Variants in C12orf42 observed in about 807,000 individuals in gnomAD.
C12orf42 encodes the protein uncharacterized protein C12orf42.
In C12orf42, 25 loss-of-function variants were observed where a neutral mutation model predicts 21.6. The ratio of observed to expected loss-of-function variants is 1.16; its 90% CI spans 0.84 to 1.62. The LOEUF (loss-of-function observed/expected upper bound fraction) is 1.62. Ranked by LOEUF, C12orf42 falls within the 40% of genes most tolerant of loss-of-function variation. C12orf42 has a pLI of 0.00. For missense variants in C12orf42, 483 were observed against 459.3 expected, an observed-to-expected ratio of 1.05 and a Z score of -0.47; for synonymous variants, 174 against 175.0, an observed-to-expected ratio of 0.99 and a Z score of 0.05.
chr12:103,518,529 T>C, the C12orf42 span, among the ~76,000 whole-genome samples: 6 of 152,166 alleles, frequency 3.9e-5, no homozygotes, highest in Middle Eastern at 3.2e-3. Context: ...GAATCAAGTC[T>C]TATATGGGTG....
chr12:103,102,306 G>T, the C12orf42 span, among the ~76,000 whole-genome samples: 2 of 152,262 alleles, frequency 1.3e-5, no homozygotes, highest in South Asian at 4.1e-4. Context: ...GCCATTCTGG[G>T]ACATTCCATG....
At chr12:103,259,027 T>C (rs1263455812) in intron 10 of C12orf42, among the ~76,000 whole-genome samples, 1 of 152,118 alleles carries the variant, frequency 6.6e-6, no homozygotes, top group Non-Finnish European at 1.5e-5. Flanking sequence ...CTACAAGACA[T>C]AGAAAGTTGT....
At chr12:103,474,829 T>C (rs1953919916) in intron 2 of C12orf42, among the ~76,000 whole-genome samples, 1 of 152,192 alleles carries the variant, frequency 6.6e-6, no homozygotes, top group South Asian at 2.1e-4. Context: ...TCTGCCTTCA[T>C]GAACTGTGGG....
the C12orf42 span, among the ~76,000 whole-genome samples, chr12:103,505,251 C>T: frequency 1.3e-4 from 20 of 152,158 alleles, no homozygotes; most frequent in African/African-American, 4.8e-4. Context: ...TGGAGACCCC[C>T]TTGGTCTCTG....
the C12orf42 span, among the ~76,000 whole-genome samples, chr12:103,160,989 T>C: frequency 2.0e-5 from 3 of 152,244 alleles, no homozygotes; most frequent in Non-Finnish European, 4.4e-5. Context: ...TTTTGAAGAC[T>C]GATTTAGACA....
chr12:103,547,636 G>A, the C12orf42 span, among the ~76,000 whole-genome samples: 1 of 152,224 alleles, frequency 6.6e-6, no homozygotes, highest in South Asian at 2.1e-4. Context: ...TGCTTCAGGG[G>A]CTGAAAGAAC....
At chr12:103,256,611 C>G (rs766548157) in intron 10 of C12orf42, among the ~76,000 whole-genome samples, 12 of 152,032 alleles carry the variant, frequency 7.9e-5, no homozygotes, top group Non-Finnish European at 1.6e-4. Flanking sequence ...TCTCCTAATA[C>G]CAAGTGAGTT....
chr12:103,197,253 T>C, the C12orf42 span, among the ~76,000 whole-genome samples: 1 of 152,202 alleles, frequency 6.6e-6, no homozygotes, highest in Non-Finnish European at 1.5e-5. Flanking sequence ...TCTAATCTGT[T>C]CTGGCTTGTA....
chr12:103,270,738 C>G lies in C12orf42; in HGVS notation n.399-885G>C, dbSNP rs573140937. On this transcript the variant is annotated intron_variant and non_coding_transcript_variant, in intron 5 of 6. Transcript: ENST00000546526. ...TGCTATCCCTCCCCCCTCCCCCTAC[C>G]CCACAACAGTCCCCAGAGTGTGATG... 4.6e-3 allele frequency among the ~76,000 whole-genome samples: 672 copies of G among 146,958 alleles called. 3 individuals are homozygous for G. Among genetic ancestry groups the G allele is most frequent in the Non-Finnish European group, 8.1e-3 (542 of 66,918 alleles).
At chr12:103,507,729 C>T in the C12orf42 span, among the ~76,000 whole-genome samples, 1 of 151,956 alleles carries the variant, frequency 6.6e-6, no homozygotes, top group African/African-American at 2.4e-5. Context: ...TTCATCGACA[C>T]ACGTGGAATT....
chr12:103,062,969 C>A, the C12orf42 span, among the ~76,000 whole-genome samples: 1 of 152,078 alleles, frequency 6.6e-6, no homozygotes, highest in African/African-American at 2.4e-5. Context: ...GCTAAGGAGT[C>A]TACTTCTAAA....
the C12orf42 span, among the ~76,000 whole-genome samples, chr12:103,137,332 C>T: frequency 2.0e-5 from 3 of 151,536 alleles, no homozygotes; most frequent in Admixed American, 1.3e-4. Context: ...TCATCCCATT[C>T]CTACTTAGAA....
At chr12:103,413,347 A>C (rs1209661439) in intron 2 of C12orf42, among the ~76,000 whole-genome samples, 2 of 152,112 alleles carry the variant, frequency 1.3e-5, no homozygotes, top group Non-Finnish European at 2.9e-5. Context: ...TGTTTTGCCT[A>C]CTGCAGTTTT....
At chr12:103,525,607 AC>A in the C12orf42 span, among the ~76,000 whole-genome samples, 1 of 152,096 alleles carries the variant, frequency 6.6e-6, no homozygotes, top group Non-Finnish European at 1.5e-5. Flanking sequence ...AATTGTAGTA[AC>A]CCCATTAGCA....
At chr12:103,388,990 G>A (rs2046852255) in intron 3 of C12orf42, among the ~76,000 whole-genome samples, 1 of 152,196 alleles carries the variant, frequency 6.6e-6, no homozygotes, top group Non-Finnish European at 1.5e-5. Context: ...TCCAGCCCCT[G>A]GGGTTGAGTT....
At chr12:103,478,583 ATTTTTTTTTTT>A (rs3065865) in intron 1 of C12orf42, 136 bp from the exon 2 acceptor site, 1 of 266,346 alleles carries the variant, frequency 3.8e-6, no homozygotes, top group East Asian at 8.1e-5. Context: ...ACTTTCAATA[ATTTTTTTTTTT>A]TTTTTTTTTG....
the C12orf42 span, among the ~76,000 whole-genome samples, chr12:103,169,629 T>C: frequency 1.5e-3 from 227 of 152,248 alleles, 1 homozygote; most frequent in African/African-American, 5.0e-3. Flanking sequence ...AACCTGTAGA[T>C]TACTCAGAAA....
chr12:103,335,395 A>G (rs957586313), intron 4 of C12orf42, among the ~76,000 whole-genome samples: 1 of 152,272 alleles, frequency 6.6e-6, no homozygotes, highest in Admixed American at 6.5e-5. Context: ...CAAGTTCACT[A>G]TCCCAAGAAT....
chr12:103,327,823 T>C (rs1474282626), intron 4 of C12orf42, among the ~76,000 whole-genome samples: 1 of 152,194 alleles, frequency 6.6e-6, no homozygotes, highest in African/African-American at 2.4e-5. Flanking sequence ...CCAAAGACAT[T>C]TTCAACACTA....
Sources: allele counts gnomAD v4.1 joint callset (sites outside exome capture counted in the v4.1 genomes callset), GRCh38; gene constraint gnomAD v4.1.1; transcripts MANE v1.5; gene names NCBI Gene and HGNC (gene_info 2026-07-23, HGNC 2026-07-21).